The following SLC22A3 variants were observed in gnomAD, a reference collection of about 807,000 sequenced individuals.
The protein encoded by SLC22A3 is solute carrier family 22 member 3, also known as EMT organic cation transporter 3.
In SLC22A3, 51 loss-of-function variants were observed where a neutral mutation model predicts 59.1. That is an observed-to-expected ratio of 0.86 (90% CI 0.69 to 1.09). The LOEUF (loss-of-function observed/expected upper bound fraction) is 1.09. SLC22A3 is among the 50% of genes least tolerant of loss of function. The pLI is 0.00. For missense variants in SLC22A3, 711 were observed against 726.3 expected, an observed-to-expected ratio of 0.98 and a Z score of 0.24; for synonymous variants, 325 against 292.0, an observed-to-expected ratio of 1.11 and a Z score of -1.15.
Position 160,398,095 on chromosome 6 carries a change from G to C in SLC22A3, c.533+13G>C. ...ATGCAGCAGACAGGTAGGTACCAAT[G>C]TGACAGCCATTTTATGTCACTATAA... On this transcript the variant is annotated intron_variant, in intron 2 of 10. Coordinates refer to ENST00000275300, the MANE Select transcript of SLC22A3 (RefSeq NM_021977.4). The C allele has an allele frequency of 6.3e-7, 1 of 1,578,280 alleles. No individual in the cohort carries two copies. Among genetic ancestry groups the C allele is most frequent in the Non-Finnish European group, 8.7e-7 (1 of 1,147,628 alleles).
At chr6:160,424,011 A>G (rs113671529) in intron 5 of SLC22A3, among the ~76,000 whole-genome samples, 26 of 152,284 alleles carry the variant, frequency 1.7e-4, no homozygotes, top group South Asian at 8.3e-4. Context: ...AGGTGTAAGG[A>G]AGGGATCCAG....
chr6:160,423,546 A>C (rs1178949074), intron 5 of SLC22A3, among the ~76,000 whole-genome samples: 1 of 152,166 alleles, frequency 6.6e-6, no homozygotes, highest in Non-Finnish European at 1.5e-5. Flanking sequence ...GTGAGATGGT[A>C]TCTCATTATG....
chr6:160,365,490 A>G (rs936652319), intron 1 of SLC22A3, among the ~76,000 whole-genome samples: 11 of 152,198 alleles, frequency 7.2e-5, no homozygotes, highest in Admixed American at 7.2e-4. Flanking sequence ...GGGCCTGAAA[A>G]TTTGCATTTC....
intron 5 of SLC22A3, among the ~76,000 whole-genome samples, chr6:160,414,262 G>A (rs544043775): frequency 6.6e-6 from 1 of 152,254 alleles, no homozygotes; most frequent in Non-Finnish European, 1.5e-5. Flanking sequence ...GTTGCCAAAT[G>A]ACAATATTCT....
intron 5 of SLC22A3, among the ~76,000 whole-genome samples, chr6:160,433,159 T>C (rs76749178): frequency 0.017 from 2,577 of 152,314 alleles, 39 homozygotes; most frequent in Non-Finnish European, 0.026. Context: ...ACATTTAATA[T>C]ATAGCCCTTT....
intron 5 of SLC22A3, among the ~76,000 whole-genome samples, chr6:160,424,616 C>T (rs1199259410): frequency 1.3e-5 from 2 of 152,146 alleles, no homozygotes; most frequent in Non-Finnish European, 2.9e-5. Context: ...CTTCCACTGA[C>T]CTTAGGGACA....
At chr6:160,351,105 T>C (rs930235910) in intron 1 of SLC22A3, among the ~76,000 whole-genome samples, 7 of 152,118 alleles carry the variant, frequency 4.6e-5, no homozygotes, top group Non-Finnish European at 7.4e-5. Context: ...GAGAGATTCT[T>C]TTTTGTTTTG....
chr6:160,433,151 A>T (rs144668759), intron 5 of SLC22A3, among the ~76,000 whole-genome samples: 144 of 152,344 alleles, frequency 9.5e-4, no homozygotes, highest in African/African-American at 3.4e-3. Context: ...AACCAAAAAC[A>T]TTTAATATAT....
rs781166770 is a variant in SLC22A3, at chr6:160,437,081, G to C, written c.1158G>C (p.Ser386=). Residue 386 remains serine, a synonymous_variant, in exon 7 of 11, where the codon TCG becomes TCC. Coordinates refer to ENST00000275300, the MANE Select transcript of SLC22A3 (RefSeq NM_021977.4). ...GGNLYIDFFI[S]GVVELPGALL... is the part of the protein sequence containing the mutation. ...ACCTCTATATAGACTTTTTCATCTC[G>C]GGCGTGGTGGAACTGCCAGGAGCTC... The C allele has an allele frequency of 5.0e-6, 8 of 1,613,974 alleles. No individual in the cohort carries two copies. The highest frequency in any genetic ancestry group is 6.8e-6 in the Non-Finnish European group (8 of 1,180,004).
intron 5 of SLC22A3, among the ~76,000 whole-genome samples, chr6:160,429,295 A>G (rs1348320358): frequency 6.6e-6 from 1 of 152,230 alleles, no homozygotes; most frequent in Non-Finnish European, 1.5e-5. Context: ...ATTATACTCA[A>G]GAGCAAATAC....
intron 5 of SLC22A3, among the ~76,000 whole-genome samples, chr6:160,421,927 A>G (rs1205596154): frequency 6.6e-6 from 1 of 152,190 alleles, no homozygotes; most frequent in East Asian, 1.9e-4. Context: ...ACCAGTTTCC[A>G]CAATCCAAAT....
intron 1 of SLC22A3, among the ~76,000 whole-genome samples, chr6:160,364,451 CT>C (rs1653634958): frequency 6.6e-6 from 1 of 152,208 alleles, no homozygotes; most frequent in African/African-American, 2.4e-5. Context: ...TTGACAATAA[CT>C]GCAGTCATAT....
intron 1 of SLC22A3, among the ~76,000 whole-genome samples, chr6:160,392,889 GATTATT>G (rs745447046): frequency 2.6e-5 from 4 of 151,220 alleles, no homozygotes; most frequent in Non-Finnish European, 5.9e-5. Flanking sequence ...CAGTATCAGT[GATTATT>G]ATTATTATTA....
In SLC22A3 at chr6:160,348,635, C is replaced by T; in HGVS notation, c.216C>T (p.Asn72=). The change falls in exon 1 of 11, where the codon AAC becomes AAT. Residue 72 remains asparagine (N), a synonymous_variant. Coordinates refer to ENST00000275300, the MANE Select transcript of SLC22A3 (RefSeq NM_021977.4). Reference sequence around the variant, plus strand: ...GCTGGAGCCCGGAGGAGGAGTGGAACCGCACGGCGCCCGCCTCCCGCGGCC... The same window carrying T: ...GCTGGAGCCCGGAGGAGGAGTGGAATCGCACGGCGCCCGCCTCCCGCGGCC... ...RCGWSPEEEW[N]RTAPASRGPE... The T allele has an allele frequency of 6.6e-7, 1 of 1,504,126 alleles. No individual in the cohort carries two copies. Among genetic ancestry groups the T allele is most frequent in the South Asian group, 1.2e-5 (1 of 80,948 alleles). The allele number at this position is 1,504,126 out of a possible 1,614,324, so 93.2% of individuals were successfully genotyped here.
rs1273806296 is a variant in SLC22A3, at chr6:160,451,905, G to T, written c.*849G>T. ...GGTCTTAGGATTTTAAAAGTGAAGG[G>T]ATATTTTTCTTATATTTGTGAGTTC... On this transcript the variant is annotated 3_prime_UTR_variant, in exon 11 of 11. Coordinates refer to ENST00000275300, the MANE Select transcript of SLC22A3 (RefSeq NM_021977.4). The T allele has an allele frequency of 1.3e-5, 2 of 152,196 alleles. No homozygotes were observed. The highest frequency in any genetic ancestry group is 2.9e-5 in the Non-Finnish European group (2 of 68,036). The allele number at this position is 152,196 out of a possible 1,614,324, so 9.4% of individuals were successfully genotyped here.
intron 7 of SLC22A3, among the ~76,000 whole-genome samples, chr6:160,437,560 T>C (rs7747380): frequency 0.057 from 8,742 of 152,288 alleles, 862 homozygotes; most frequent in African/African-American, 0.2. Flanking sequence ...GCTGGCACCA[T>C]GCTAAACGCT....
intron 1 of SLC22A3, 66 bp downstream of exon 1, chr6:160,348,914 C>A: frequency 6.5e-7 from 1 of 1,533,970 alleles, no homozygotes; most frequent in Non-Finnish European, 8.7e-7. Context: ...GGCGGACAAG[C>A]CGCGTGTGAG....
At chr6:160,366,898 T>C (rs1785224623) in intron 1 of SLC22A3, among the ~76,000 whole-genome samples, 1 of 152,188 alleles carries the variant, frequency 6.6e-6, no homozygotes, top group Non-Finnish European at 1.5e-5. Flanking sequence ...TTCCCACATC[T>C]TCCTGTCTTT....
At chr6:160,384,762 T>C (rs979810683) in intron 1 of SLC22A3, among the ~76,000 whole-genome samples, 6 of 152,138 alleles carry the variant, frequency 3.9e-5, no homozygotes, top group African/African-American at 7.2e-5. Context: ...GTGGGCCTCA[T>C]TGTGACTCCG....
Sources: allele counts gnomAD v4.1 joint callset (sites outside exome capture counted in the v4.1 genomes callset), GRCh38; gene constraint gnomAD v4.1.1; transcripts MANE v1.5; gene names NCBI Gene and HGNC (gene_info 2026-07-23, HGNC 2026-07-21).